Variants in MYO5A observed in about 807,000 individuals in gnomAD.
MYO5A encodes unconventional myosin-Va.
A neutral mutation model predicts 249.7 loss-of-function variants in MYO5A; 98 were observed. The observed-to-expected ratio is 0.39, with a 90% CI of 0.33 to 0.46. The LOEUF (loss-of-function observed/expected upper bound fraction) is 0.46, where lower values mean the gene tolerates loss of function less well. Ranked by LOEUF, MYO5A falls within the 20% of genes least tolerant of loss-of-function variation. MYO5A has a pLI of 0.98. For missense variants in MYO5A, 1,696 were observed against 2,308.8 expected, an observed-to-expected ratio of 0.73 and a Z score of 5.44; for synonymous variants, 778 against 810.6, an observed-to-expected ratio of 0.96 and a Z score of 0.68.
chr15:52,458,106 G>T (rs1397074024), intron 1 of MYO5A, among the ~76,000 whole-genome samples: 1 of 152,222 alleles, frequency 6.6e-6, no homozygotes, highest in Non-Finnish European at 1.5e-5. Context: ...CTAGAAGGGT[G>T]TATGTGGCAG....
intron 9 of MYO5A, among the ~76,000 whole-genome samples, chr15:52,398,665 T>C (rs1205997407): frequency 1.3e-5 from 2 of 152,096 alleles, no homozygotes; most frequent in Non-Finnish European, 2.9e-5. Context: ...CAGCCATATA[T>C]ATGTATGTAT....
chr15:52,317,050 G>A lies in MYO5A; in HGVS notation c.5407C>T (p.Gln1803Ter), dbSNP rs1465634909. ...TGTAACAGGGAAAGTTGCTCTACCTGGGCAGTAGTTAAAGCATTGCACATA... is the reference window on the plus strand; with the variant it reads ...TGTAACAGGGAAAGTTGCTCTACCTAGGCAGTAGTTAAAGCATTGCACATA... ...CSMCNALTTA[Q>*]IVKVLNLYTP... The change falls in exon 40 of 42, where the codon CAG (glutamine) becomes TAG (stop). Residue 1803 changes from glutamine to a stop codon, truncating the protein, a stop_gained and splice_region_variant. Transcript: ENST00000399233. LOFTEE classifies it high-confidence loss of function. The A allele has an allele frequency of 6.2e-7, 1 of 1,613,536 alleles. No individual in the cohort carries two copies. The highest frequency in any genetic ancestry group is 1.1e-5 in the South Asian group (1 of 91,078).
intron 24 of MYO5A, among the ~76,000 whole-genome samples, chr15:52,364,002 G>GC (rs2040677497): frequency 1.3e-5 from 2 of 152,324 alleles, no homozygotes; most frequent in African/African-American, 4.8e-5. Flanking sequence ...ACTTTGGGAG[G>GC]CCAAGGTGGG....
chr15:52,419,690 T>C (rs183927881), intron 4 of MYO5A, among the ~76,000 whole-genome samples: 90 of 152,290 alleles, frequency 5.9e-4, no homozygotes, highest in Admixed American at 3.5e-3. Context: ...CTTGCTGAGG[T>C]CACTCAGTTC....
rs1442446089 is a variant in MYO5A at position 52,314,336 on chromosome 15, A to T, written c.5410-133T>A. 7 of 699,236 alleles carry T rather than the reference A, an allele frequency of 1.0e-5. No homozygotes were observed. In the East Asian group the frequency reaches 1.9e-4, roughly 19 times the overall value. The allele number at this position is 699,236 out of a possible 1,614,324, so 43.3% of individuals were successfully genotyped here. A position where few individuals can be genotyped will look rare whatever the true frequency, so the allele number is the denominator to read the frequency against. ...TCAGGGGTGGGCTGGGACCAGAAGG[A>T]AGGAGGAGCTGGTCTGCACATTTAC... is the stretch of plus-strand genomic sequence containing the variant. On this transcript the variant is annotated intron_variant, in intron 40 of 41. Coordinates refer to ENST00000399233, the MANE Select transcript of MYO5A (RefSeq NM_001382347.1).
intron 16 of MYO5A, among the ~76,000 whole-genome samples, chr15:52,381,407 G>A (rs904762946): frequency 3.9e-5 from 6 of 152,096 alleles, no homozygotes; most frequent in Non-Finnish European, 7.4e-5. Context: ...TAGGGAAAAG[G>A]GCACTCATAC....
intron 34 of MYO5A, among the ~76,000 whole-genome samples, chr15:52,334,846 G>A (rs536304967): frequency 2.0e-5 from 3 of 152,138 alleles, no homozygotes; most frequent in African/African-American, 4.8e-5. Context: ...AAAAGATGTC[G>A]GCCAAATTGT....
At position 52,349,476 on chromosome 15, in the gene MYO5A, T is replaced by G. The variant is rs559371106; in HGVS notation, c.3850-650A>C. The stretch of plus-strand genomic sequence containing the variant: ...GAGCTGAGGAACTTAGGTACCTCAG[T>G]TGGACCGGGTCAGCCCATTAGGGTC... On this transcript the variant is annotated intron_variant, in intron 28 of 41. Transcript: ENST00000399233. Among the ~76,000 whole-genome samples the G allele has an allele frequency of 8.9e-4, 136 of 152,248 alleles. 4 individuals are homozygous for G. The South Asian group carries it at 0.026, about 30-fold the overall frequency.
chr15:52,388,166 A>G (rs564906152), intron 13 of MYO5A, among the ~76,000 whole-genome samples: 1 of 152,292 alleles, frequency 6.6e-6, no homozygotes, highest in South Asian at 2.1e-4. Context: ...CCTCTCAGTT[A>G]GTGGGTGAGC....
At chr15:52,486,600 G>C (rs963485288) in intron 1 of MYO5A, among the ~76,000 whole-genome samples, 1 of 150,008 alleles carries the variant, frequency 6.7e-6, no homozygotes, top group Non-Finnish European at 1.5e-5. Flanking sequence ...AGAGACTCTT[G>C]GGGATTTTTT....
Position 52,342,124 on chromosome 15 carries a change from C to T in MYO5A, c.4040+993G>A, listed in dbSNP as rs139851831. On this transcript the variant is annotated intron_variant, in intron 31 of 41. Transcript: ENST00000399233. ...CTGTAATCCCAACACTTTGGGAGGC[C>T]GAGGCAGGATTGTTTGAGCCCAGGA... 1.3e-4 allele frequency among the ~76,000 whole-genome samples: 20 copies of T among 152,162 alleles called. No individual in the cohort carries two copies. The East Asian group carries it at 3.1e-3, about 24-fold the overall frequency.
rs981037798 is a variant in MYO5A, at chr15:52,336,521, C to A, written c.4350G>T (p.Thr1450=). Residue 1450 remains threonine, a synonymous_variant, in exon 34 of 42, where the codon ACG becomes ACT. Coordinates refer to ENST00000399233, the MANE Select transcript of MYO5A (RefSeq NM_001382347.1). The stretch of plus-strand genomic sequence containing the variant: ...TCAGTTGTTTTTTCAGTTTACGGAC[C>A]GTCTTATCCTGTTTTTCAAGTTGTT... ...LMEQLEKQDK[T]VRKLKKQLKV... The A allele has an allele frequency of 6.8e-6, 11 of 1,608,182 alleles. No individual in the cohort carries two copies. The highest frequency in any genetic ancestry group is 8.5e-6 in the Non-Finnish European group (10 of 1,176,504).
In MYO5A at chr15:52,413,801, T is replaced by G. The variant is rs141338872; in HGVS notation, c.612+2344A>C. 6.3e-3 allele frequency among the ~76,000 whole-genome samples: 962 copies of G among 152,312 alleles called. 5 individuals are homozygous for G. Among genetic ancestry groups the G allele is most frequent in the Admixed American group, 0.013 (199 of 15,296 alleles). ...AAATTTTTCTTAATCCAAATTCTTA[T>G]AGATGAACAATTTCAAATTATTTAG... On this transcript the variant is annotated intron_variant, in intron 5 of 41. Coordinates refer to ENST00000399233, the MANE Select transcript of MYO5A (RefSeq NM_001382347.1).
chr15:52,341,677 T>C (rs1335735115), intron 31 of MYO5A, among the ~76,000 whole-genome samples: 3 of 152,210 alleles, frequency 2.0e-5, no homozygotes, highest in African/African-American at 7.2e-5. Context: ...ATTTAGTGAT[T>C]AAAACATTTC....
chr15:52,509,080 T>C (rs1490497376), intron 1 of MYO5A, among the ~76,000 whole-genome samples: 1 of 152,120 alleles, frequency 6.6e-6, no homozygotes, highest in Non-Finnish European at 1.5e-5. Flanking sequence ...CAAGTGATCT[T>C]CCTACCTCAG....
In MYO5A at chr15:52,428,711, G is replaced by T. The variant is rs1526169; in HGVS notation, c.139-142C>A. On this transcript the variant is annotated intron_variant, in intron 2 of 41. Transcript: ENST00000399233. The stretch of plus-strand genomic sequence containing the variant: ...TTTCCTAGCACCTTCCAATATCACA[G>T]AAACTGGTGGAGATGGAAACAATAT... The T allele has an allele frequency of 0.27, 226,164 of 852,256 alleles. 39,882 individuals are homozygous for T. Among genetic ancestry groups the T allele is most frequent in the East Asian group, 0.64 (24,992 of 39,180 alleles). 52.8% of individuals were successfully genotyped at this position (852,256 alleles called of 1,614,324 possible). A position where few individuals can be genotyped will look rare whatever the true frequency, so the allele number is the denominator to read the frequency against.
chr15:52,412,993 C>T (rs144439498), intron 5 of MYO5A, among the ~76,000 whole-genome samples: 282 of 151,972 alleles, frequency 1.9e-3, no homozygotes, highest in Non-Finnish European at 3.1e-3. Context: ...ATTTAAAATA[C>T]GACAGTAGCT....
At chr15:52,314,971 C>T (rs2037928557) in intron 40 of MYO5A, among the ~76,000 whole-genome samples, 1 of 152,038 alleles carries the variant, frequency 6.6e-6, no homozygotes, top group Non-Finnish European at 1.5e-5. Flanking sequence ...CAGTGCTGAT[C>T]TATAGGAAAA....
chr15:52,528,310 C>T (rs2077762217), intron 1 of MYO5A, among the ~76,000 whole-genome samples: 1 of 152,194 alleles, frequency 6.6e-6, no homozygotes, highest in African/African-American at 2.4e-5. Flanking sequence ...TTCAAAATAA[C>T]CTCACAGAAA....
Sources: gnomAD v4.1 joint callset for allele counts (sites outside exome capture counted in the v4.1 genomes callset) on GRCh38, gnomAD v4.1.1 for gene constraint, MANE v1.5 for transcripts, NCBI Gene and HGNC (gene_info 2026-07-23, HGNC 2026-07-21) for gene names.